Variants in ARMH3 observed in about 807,000 individuals in gnomAD.
The protein encoded by ARMH3 is armadillo like helical domain containing 3.
A neutral mutation model predicts 99.1 loss-of-function variants in ARMH3; 60 were observed. The observed-to-expected ratio is 0.61, with a 90% CI of 0.49 to 0.75. ARMH3 has a LOEUF of 0.75. Ranked by LOEUF, ARMH3 falls within the 30% of genes least tolerant of loss-of-function variation. The probability of loss-of-function intolerance (pLI) is 0.00; values close to 1 mark genes in which losing one functional copy is unlikely to be tolerated. For missense variants in ARMH3, 679 were observed against 843.1 expected, an observed-to-expected ratio of 0.81 and a Z score of 2.41; for synonymous variants, 285 against 292.8, an observed-to-expected ratio of 0.97 and a Z score of 0.27.
chr10:101,981,177 GAAGA>G (rs1203002637), intron 19 of ARMH3, among the ~76,000 whole-genome samples: 4 of 151,100 alleles, frequency 2.6e-5, no homozygotes, highest in Non-Finnish European at 5.9e-5. Context: ...GTTTTTTTAA[GAAGA>G]AATAATGAAA....
chr10:101,992,140 G>A, intron 17 of ARMH3, 102 bp from the exon 18 acceptor site: 1 of 964,564 alleles, frequency 1.0e-6, no homozygotes, highest in Non-Finnish European at 1.7e-6. Context: ...ACTATTACAG[G>A]GATACTTCCT....
At chr10:101,874,352 T>G (rs962459122) in intron 24 of ARMH3, among the ~76,000 whole-genome samples, 1 of 152,236 alleles carries the variant, frequency 6.6e-6, no homozygotes, top group African/African-American at 2.4e-5. Context: ...TGTGTCATTT[T>G]TGGTCTTAAT....
chr10:102,003,466 A>G (rs1318527667), intron 14 of ARMH3, among the ~76,000 whole-genome samples: 2 of 152,162 alleles, frequency 1.3e-5, no homozygotes, highest in African/African-American at 2.4e-5. Context: ...CTGGCCCAGA[A>G]CAAAGTCTTA....
At chr10:102,047,898 G>A (rs1564884774) in intron 1 of ARMH3, among the ~76,000 whole-genome samples, 1 of 152,140 alleles carries the variant, frequency 6.6e-6, no homozygotes, top group Non-Finnish European at 1.5e-5. Flanking sequence ...TGTCACAACT[G>A]GGAGAGGAGG....
At chr10:102,043,309 G>T (rs961847342) in intron 1 of ARMH3, among the ~76,000 whole-genome samples, 1 of 152,172 alleles carries the variant, frequency 6.6e-6, no homozygotes, top group Non-Finnish European at 1.5e-5. Context: ...ACAAGTTACT[G>T]TGCTTCTCAG....
chr10:101,899,703 A>G (rs1023425552), intron 23 of ARMH3, among the ~76,000 whole-genome samples: 24 of 152,314 alleles, frequency 1.6e-4, no homozygotes, highest in Admixed American at 1.4e-3. Flanking sequence ...AAACTATCTA[A>G]TCAAAACATC....
At chr10:102,021,026 C>T (rs2066873105) in intron 8 of ARMH3, among the ~76,000 whole-genome samples, 1 of 151,946 alleles carries the variant, frequency 6.6e-6, no homozygotes, top group Non-Finnish European at 1.5e-5. Flanking sequence ...TCATGAAGAT[C>T]AACAACTATT....
intron 24 of ARMH3, among the ~76,000 whole-genome samples, chr10:101,851,115 T>G (rs2066590661): frequency 6.6e-6 from 1 of 152,212 alleles, no homozygotes; most frequent in Non-Finnish European, 1.5e-5. Flanking sequence ...CTTTCAAGAC[T>G]AAGCTAGAGC....
intron 20 of ARMH3, 21 bp downstream of exon 20, chr10:101,975,191 G>C (rs1160065961): frequency 6.3e-7 from 1 of 1,587,822 alleles, no homozygotes; most frequent in Non-Finnish European, 8.6e-7. Flanking sequence ...AAAGGAAGAT[G>C]AATTCAAGAG....
chr10:101,909,784 T>G (rs1267119856), intron 23 of ARMH3, among the ~76,000 whole-genome samples: 1 of 151,996 alleles, frequency 6.6e-6, no homozygotes, highest in Non-Finnish European at 1.5e-5. Context: ...ACACAATTAT[T>G]AAACATTGCA....
intron 11 of ARMH3, among the ~76,000 whole-genome samples, 197 bp from the exon 12 acceptor site, chr10:102,010,220 A>C (rs766441866): frequency 9.2e-5 from 14 of 152,210 alleles, no homozygotes; most frequent in Non-Finnish European, 1.3e-4. Flanking sequence ...TAAATGAAAT[A>C]ATGAGAATCC....
At chr10:101,852,737 G>C (rs2135268363) in intron 24 of ARMH3, among the ~76,000 whole-genome samples, 1 of 150,670 alleles carries the variant, frequency 6.6e-6, no homozygotes, top group South Asian at 2.1e-4. Context: ...CTGGATGACA[G>C]AGCAAGACCT....
intron 18 of ARMH3, among the ~76,000 whole-genome samples, chr10:101,991,405 T>C (rs956906953): frequency 1.3e-5 from 2 of 152,150 alleles, no homozygotes; most frequent in Admixed American, 6.5e-5. Context: ...TTTTTTTTTT[T>C]TGAGATGCAG....
chr10:102,029,396 A>G lies in ARMH3; in HGVS notation c.414+242T>C, dbSNP rs899517084. ...TGTATGATCATATGATACGAGTAAT[A>G]AAATAAACTATTCTGTCTTTATCCC... On this transcript the variant is annotated intron_variant, in intron 5 of 25. Coordinates refer to ENST00000370033, the MANE Select transcript of ARMH3 (RefSeq NM_024541.3). 13 of 1,440,650 alleles carry G rather than the reference A, an allele frequency of 9.0e-6. No individual in the cohort carries two copies. In the African/African-American group the frequency reaches 1.7e-4, roughly 19 times the overall value. 89.2% of individuals were successfully genotyped at this position (1,440,650 alleles called of 1,614,324 possible).
At chr10:102,045,246 G>A (rs561195675) in intron 1 of ARMH3, among the ~76,000 whole-genome samples, 210 of 151,826 alleles carry the variant, frequency 1.4e-3, no homozygotes, top group Non-Finnish European at 2.4e-3. Flanking sequence ...AGTACCTTTT[G>A]GGCACAAGCA....
At chr10:101,875,974 C>T (rs907931545) in intron 24 of ARMH3, among the ~76,000 whole-genome samples, 4 of 152,062 alleles carry the variant, frequency 2.6e-5, no homozygotes, top group Admixed American at 6.6e-5. Flanking sequence ...TCTGGCTTGG[C>T]GCAGTGGTTC....
intron 20 of ARMH3, among the ~76,000 whole-genome samples, chr10:101,970,105 T>C (rs1300638193): frequency 4.6e-5 from 7 of 152,196 alleles, no homozygotes; most frequent in African/African-American, 1.7e-4. Flanking sequence ...TAAAATAAGC[T>C]GACTCCATGA....
At chr10:102,002,176 C>T in intron 14 of ARMH3, 104 bp from the exon 15 acceptor site, 1 of 1,527,482 alleles carries the variant, frequency 6.5e-7, no homozygotes, top group Non-Finnish European at 8.8e-7. Context: ...ACTAAATAAG[C>T]TTTTTCCACA....
intron 5 of ARMH3, among the ~76,000 whole-genome samples, chr10:102,026,450 G>C (rs952029889): frequency 4.6e-5 from 7 of 152,172 alleles, no homozygotes; most frequent in African/African-American, 1.7e-4. Context: ...ATACACAGAG[G>C]AATGGAATTT....
Sources: gnomAD v4.1 joint callset for allele counts (sites outside exome capture counted in the v4.1 genomes callset) on GRCh38, gnomAD v4.1.1 for gene constraint, MANE v1.5 for transcripts, NCBI Gene and HGNC (gene_info 2026-07-23, HGNC 2026-07-21) for gene names.